The following KCNH8 variants were observed in gnomAD, a reference collection of about 807,000 sequenced individuals.
The protein encoded by KCNH8 is voltage-gated delayed rectifier potassium channel KCNH8.
A neutral mutation model predicts 103.6 loss-of-function variants in KCNH8; 70 were observed. That is an observed-to-expected ratio of 0.68 (90% CI 0.56 to 0.82). The LOEUF is 0.82. Ranked by LOEUF, KCNH8 falls within the 40% of genes least tolerant of loss-of-function variation. The pLI, the probability that KCNH8 is intolerant of heterozygous loss-of-function variation, is 0.00. For missense variants in KCNH8, 1,217 were observed against 1,329.9 expected, an observed-to-expected ratio of 0.92 and a Z score of 1.32; for synonymous variants, 498 against 489.4, an observed-to-expected ratio of 1.02 and a Z score of -0.23.
chr3:19,188,875 T>C (rs946046162), intron 1 of KCNH8, among the ~76,000 whole-genome samples: 1 of 151,956 alleles, frequency 6.6e-6, no homozygotes, highest in African/African-American at 2.4e-5. Context: ...AACTCCTGGG[T>C]TCAGGCGATC....
rs2069247358 is a variant in KCNH8, at chr3:19,535,401, G to T, written c.*1302G>T. On this transcript the variant is annotated 3_prime_UTR_variant, in exon 16 of 16. Transcript: ENST00000328405. ...GCCTCAGAGATTACACAGTTAGGAT[G>T]CTGACACAGTCTAGAATCCATAATG... 1 of 152,180 alleles carries T rather than the reference G, an allele frequency of 6.6e-6. No individual in the cohort carries two copies. Among genetic ancestry groups the T allele is most frequent in the East Asian group, 1.9e-4 (1 of 5,200 alleles). 9.4% of individuals were successfully genotyped at this position (152,180 alleles called of 1,614,324 possible). A position where few individuals can be genotyped will look rare whatever the true frequency, so the allele number is the denominator to read the frequency against.
At position 19,524,249 on chromosome 3, in the gene KCNH8, T is replaced by G. The variant is rs556674223; in HGVS notation, c.2619+6175T>G. On this transcript the variant is annotated intron_variant, in intron 15 of 15. Transcript: ENST00000328405. ...AGATTTGTCTATATAGGCTTTTTTC[T>G]TCTTCATCCTGATCATATATAGTTC... Among the ~76,000 whole-genome samples, 212 of 151,926 alleles carry G rather than the reference T, an allele frequency of 1.4e-3. 1 individual carries two copies. The highest frequency in any genetic ancestry group is 2.7e-3 in the Non-Finnish European group (184 of 67,924).
At chr3:19,472,006 T>C (rs1377833569) in intron 11 of KCNH8, among the ~76,000 whole-genome samples, 2 of 152,228 alleles carry the variant, frequency 1.3e-5, no homozygotes, top group African/African-American at 4.8e-5. Flanking sequence ...ATACTTCAAT[T>C]AGAAAGTTTT....
At chr3:19,200,823 A>G (rs936453754) in intron 1 of KCNH8, among the ~76,000 whole-genome samples, 6 of 152,064 alleles carry the variant, frequency 3.9e-5, no homozygotes, top group African/African-American at 1.4e-4. Flanking sequence ...TTCTGTCCTT[A>G]AAGTTTTGCT....
intron 11 of KCNH8, among the ~76,000 whole-genome samples, chr3:19,489,272 C>A (rs1397192858): frequency 6.6e-6 from 1 of 151,996 alleles, no homozygotes; most frequent in Non-Finnish European, 1.5e-5. Flanking sequence ...TGCCATGATT[C>A]TTCTGGTGTT....
chr3:19,472,169 G>T (rs1462093991), intron 11 of KCNH8, among the ~76,000 whole-genome samples: 1 of 148,368 alleles, frequency 6.7e-6, no homozygotes, highest in East Asian at 2.0e-4. Context: ...CTTGATGAAA[G>T]CTTATTGGAA....
At chr3:19,500,693 C>A (rs548646594) in intron 11 of KCNH8, among the ~76,000 whole-genome samples, 1 of 151,656 alleles carries the variant, frequency 6.6e-6, no homozygotes, top group Admixed American at 6.6e-5. Context: ...GGGTACATAA[C>A]GAAATGAAGA....
At chr3:19,458,077 TG>T (rs139074988) in intron 11 of KCNH8, among the ~76,000 whole-genome samples, 2,556 of 152,142 alleles carry the variant, frequency 0.017, 80 homozygotes, top group African/African-American at 0.056. Flanking sequence ...AGGTAAGTCT[TG>T]ATCTATTTTT....
chr3:19,512,831 A>G, intron 12 of KCNH8, 139 bp from the exon 13 acceptor site: 1 of 736,676 alleles, frequency 1.4e-6, no homozygotes, highest in Non-Finnish European at 2.2e-6. Flanking sequence ...TAATAACAAA[A>G]TCTGCAAAGA....
Position 19,195,626 on chromosome 3 carries a change from G to A in KCNH8, c.76+46831G>A, listed in dbSNP as rs113007270. 2.8e-3 allele frequency among the ~76,000 whole-genome samples: 429 copies of A among 151,910 alleles called. 4 individuals are homozygous for A. Among genetic ancestry groups the A allele is most frequent in the African/African-American group, 8.5e-3 (353 of 41,450 alleles). ...TAGGATTGGTGTGCTGCAGTTTTTCGCCTGTCACTACAAAAGCAGAGGAGA... is the reference window on the plus strand; with the variant it reads ...TAGGATTGGTGTGCTGCAGTTTTTCACCTGTCACTACAAAAGCAGAGGAGA... On this transcript the variant is annotated intron_variant, in intron 1 of 15. Transcript: ENST00000328405.
intron 1 of KCNH8, among the ~76,000 whole-genome samples, chr3:19,207,652 A>G (rs534617287): frequency 1.3e-5 from 2 of 152,036 alleles, no homozygotes; most frequent in East Asian, 1.9e-4. Context: ...TTCCAGGGCT[A>G]TATTTTTATG....
chr3:19,495,044 T>C (rs1575138222), intron 11 of KCNH8, among the ~76,000 whole-genome samples: 1 of 152,098 alleles, frequency 6.6e-6, no homozygotes, highest in Admixed American at 6.5e-5. Context: ...TTTTATGGGG[T>C]TGTTTCGTCT....
chr3:19,510,337 A>T (rs766141102), intron 11 of KCNH8, 26 bp from the exon 12 acceptor site: 3 of 1,448,834 alleles, frequency 2.1e-6, no homozygotes, highest in Non-Finnish European at 9.7e-7. Flanking sequence ...ATGTAAAATG[A>T]TTAATACTTC....
At position 19,454,929 on chromosome 3, in the gene KCNH8, T is replaced by A. The variant is rs149660796; in HGVS notation, c.1826-1839T>A. 3.3e-5 allele frequency among the ~76,000 whole-genome samples: 5 copies of A among 152,226 alleles called. 1 individual carries two copies. The highest frequency in any genetic ancestry group is 9.6e-5 in the African/African-American group (4 of 41,538). The stretch of plus-strand genomic sequence containing the variant: ...GTGATTAACATTACTTCAATAAAGA[T>A]TGATTATTTTACTTTCCCTATAGCA... On this transcript the variant is annotated intron_variant, in intron 10 of 15. Transcript: ENST00000328405.
intron 1 of KCNH8, among the ~76,000 whole-genome samples, chr3:19,185,476 G>T (rs1296542743): frequency 6.6e-6 from 1 of 151,834 alleles, no homozygotes; most frequent in East Asian, 1.9e-4. Context: ...TGATGATGAT[G>T]ATTTACTGAG....
intron 1 of KCNH8, among the ~76,000 whole-genome samples, chr3:19,218,325 C>G (rs1348325733): frequency 1.3e-5 from 2 of 152,132 alleles, no homozygotes; most frequent in Non-Finnish European, 2.9e-5. Flanking sequence ...CCTGATCCAC[C>G]AGCAGTGGTC....
intron 1 of KCNH8, among the ~76,000 whole-genome samples, chr3:19,222,370 G>C (rs963103909): frequency 3.3e-5 from 5 of 152,042 alleles, no homozygotes; most frequent in African/African-American, 1.2e-4. Context: ...ATATATAATA[G>C]ATACTTCGGT....
Position 19,170,549 on chromosome 3 carries a change from T to C in KCNH8, c.76+21754T>C, listed in dbSNP as rs1007137720. Among the ~76,000 whole-genome samples, 10 of 149,176 alleles carry C rather than the reference T, an allele frequency of 6.7e-5. 1 individual carries two copies. Among genetic ancestry groups the C allele is most frequent in the South Asian group, 6.3e-4 (3 of 4,758 alleles). On this transcript the variant is annotated intron_variant, in intron 1 of 15. Transcript: ENST00000328405. Reference sequence around the variant, plus strand: ...AGGATGTTCCAACTTCAATGTTCAGTCTTCCTTCAGCAAGTGCCCCACTTC... The same window carrying C: ...AGGATGTTCCAACTTCAATGTTCAGCCTTCCTTCAGCAAGTGCCCCACTTC...
At chr3:19,233,072 A>AC (rs373726724) in intron 1 of KCNH8, among the ~76,000 whole-genome samples, 3,880 of 35,806 alleles carry the variant, frequency 0.11, 275 homozygotes, top group African/African-American at 0.32. Flanking sequence ...CCCCCCCCCC[A>AC]CCCCACTACA....
Sources: gnomAD v4.1 joint callset for allele counts (sites outside exome capture counted in the v4.1 genomes callset) on GRCh38, gnomAD v4.1.1 for gene constraint, MANE v1.5 for transcripts, NCBI Gene and HGNC (gene_info 2026-07-23, HGNC 2026-07-21) for gene names.